The following CCHCR1 variants were observed in gnomAD, a reference collection of about 807,000 sequenced individuals.
The protein encoded by CCHCR1 is HCR (a-helix coiled-coil rod homologue).
Under a neutral mutation model 114.6 loss-of-function variants are expected in CCHCR1, and 91 were observed. That is an observed-to-expected ratio of 0.79 (90% CI 0.67 to 0.94). The LOEUF (loss-of-function observed/expected upper bound fraction) is 0.94, where lower values mean the gene tolerates loss of function less well. Among genes scored for constraint, CCHCR1 ranks in the 40% least tolerant of loss-of-function variants. The pLI, the probability that CCHCR1 is intolerant of heterozygous loss-of-function variation, is 0.00. For synonymous variants in CCHCR1, 379 were observed against 428.5 expected (o/e 0.88, Z 1.43); for missense variants, 899 against 1,079.9 (o/e 0.83, Z 2.35).
Position 31,151,220 on chromosome 6 carries a change from C to A in CCHCR1, c.802-98G>T. ...CTTTCTGTGACCTTAGAGAATGACC[C>A]AACCAATCAGCCAACTGTGCACAGC... On this transcript the variant is annotated intron_variant, in intron 4 of 17. Transcript: ENST00000396268. This position sits in a 1 kb window ranked among gnomAD's most constrained non-coding sequence, Gnocchi z 4.1. The A allele has an allele frequency of 7.5e-7, 1 of 1,334,012 alleles. No individual in the cohort carries two copies. Among genetic ancestry groups the A allele is most frequent in the Non-Finnish European group, 1.0e-6 (1 of 975,518 alleles). 82.6% of individuals were successfully genotyped at this position (1,334,012 alleles called of 1,614,324 possible).
chr6:31,153,573 C>A (rs942445382), intron 4 of CCHCR1, among the ~76,000 whole-genome samples: 4 of 146,640 alleles, frequency 2.7e-5, no homozygotes, highest in Non-Finnish European at 6.2e-5. Context: ...TGTTTTCTCC[C>A]AGTTCCTTTT....
chr6:31,148,642 C>T lies in CCHCR1; in HGVS notation c.1449G>A (p.Val483=), dbSNP rs1242220343. The T allele has an allele frequency of 1.2e-6, 2 of 1,612,602 alleles. No homozygotes were observed. Among genetic ancestry groups the T allele is most frequent in the Non-Finnish European group, 1.7e-6 (2 of 1,179,716 alleles). Residue 483 remains valine, a synonymous_variant, in exon 9 of 18, where the codon GTG becomes GTA. Coordinates refer to ENST00000396268, the MANE Select transcript of CCHCR1 (RefSeq NM_001105564.2). Reference sequence around the variant, plus strand: ...CCTTGGCACCCATACGCTCCACCTCCACCTCTGCGGCTTTGTCCTGCAGGG... The same window carrying T: ...CCTTGGCACCCATACGCTCCACCTCTACCTCTGCGGCTTTGTCCTGCAGGG... ...QRSLQDKAAE[V]EVERMGAKGL...
Position 31,157,752 on chromosome 6 carries a change from C to G in CCHCR1, c.-152G>C, listed in dbSNP as rs992874083. On this transcript the variant is annotated 5_prime_UTR_variant, in exon 1 of 18. Coordinates refer to ENST00000396268, the MANE Select transcript of CCHCR1 (RefSeq NM_001105564.2). ...CCCCTTAGCTTCCATGCCTGCTGCCCGCCTCCTCTTTCTCGAGTCCTAACA... is the reference window on the plus strand; with the variant it reads ...CCCCTTAGCTTCCATGCCTGCTGCCGGCCTCCTCTTTCTCGAGTCCTAACA... 1.6e-6 allele frequency: 1 copy of G among 635,244 alleles called. No homozygotes were observed. Among genetic ancestry groups the G allele is most frequent in the Non-Finnish European group, 2.7e-6 (1 of 367,302 alleles). 39.4% of individuals were successfully genotyped at this position (635,244 alleles called of 1,614,324 possible).
chr6:31,154,646 C>T lies in CCHCR1; in HGVS notation c.651G>A (p.Glu217=), dbSNP rs1775728817. Residue 217 remains glutamate, a synonymous_variant, in exon 4 of 18, where the codon GAG becomes GAA. Transcript: ENST00000396268. This position sits in a 1 kb window ranked among gnomAD's most constrained non-coding sequence, Gnocchi z 4.1. ...QKMRLEAQAM[E]LEALARAEKA... is the part of the protein sequence containing the mutation. ...TCTCCGCCCGTGCCAGAGCCTCTAG[C>T]TCCATGGCCTGGGCCTCTAGCCTCA... 6.2e-7 allele frequency: 1 copy of T among 1,612,582 alleles called. No individual in the cohort carries two copies. Among genetic ancestry groups the T allele is most frequent in the Non-Finnish European group, 8.5e-7 (1 of 1,180,002 alleles).
intron 9 of CCHCR1, 53 bp from the exon 10 acceptor site, chr6:31,148,564 C>T (rs1455455182): frequency 3.8e-6 from 6 of 1,596,782 alleles, no homozygotes; most frequent in Non-Finnish European, 5.1e-6. Context: ...TGGCTGCAGC[C>T]CCGGAACAGG....
At position 31,157,374 on chromosome 6, in the gene CCHCR1, A is replaced by C; in HGVS notation, c.216+11T>G. ...TACTCATACTTTCAGGATTCTGGGCAGTGCCTCTACCCTCCTCCTTAAGTT... is the reference window on the plus strand; with the variant it reads ...TACTCATACTTTCAGGATTCTGGGCCGTGCCTCTACCCTCCTCCTTAAGTT... On this transcript the variant is annotated intron_variant, in intron 1 of 17. Coordinates refer to ENST00000396268, the MANE Select transcript of CCHCR1 (RefSeq NM_001105564.2). The C allele has an allele frequency of 3.1e-6, 5 of 1,600,548 alleles. No homozygotes were observed. The highest frequency in any genetic ancestry group is 4.3e-6 in the Non-Finnish European group (5 of 1,168,744).
intron 12 of CCHCR1, 54 bp from the exon 13 acceptor site, chr6:31,145,356 A>C (rs1774174882): frequency 6.2e-7 from 1 of 1,612,242 alleles, no homozygotes; most frequent in Non-Finnish European, 8.5e-7. Context: ...CCTGATCCCA[A>C]AGCCCCCATC....
At position 31,150,496 on chromosome 6, in the gene CCHCR1, T is replaced by C; in HGVS notation, c.1171A>G (p.Thr391Ala). 1 of 1,612,688 alleles carries C rather than the reference T, an allele frequency of 6.2e-7. No homozygotes were observed. Among genetic ancestry groups the C allele is most frequent in the Non-Finnish European group, 8.5e-7 (1 of 1,179,936 alleles). ...TCCTCCTGCAGGGCGAGGATGTGTG[T>C]GAGGCTCTGCACCCGCACCTGCAGC... Reference protein sequence around the residue: ...ELLQVRVQSLTHILALQEEEL... With the variant: ...ELLQVRVQSLAHILALQEEEL... The change falls in exon 7 of 18, where the codon ACA becomes GCA. Residue 391 changes from threonine (T) to alanine (A), a missense_variant. By Grantham distance (58) the Thr-to-Ala change is moderately conservative (BLOSUM62 0). Coordinates refer to ENST00000396268, the MANE Select transcript of CCHCR1 (RefSeq NM_001105564.2). This position sits in a 1 kb window ranked among gnomAD's most constrained non-coding sequence, Gnocchi z 5.3.
At chr6:31,157,204 T>A (rs1251651233) in intron 1 of CCHCR1, 115 bp from the exon 2 acceptor site, 1 of 1,036,954 alleles carries the variant, frequency 9.6e-7, no homozygotes, top group East Asian at 2.5e-5. Context: ...GTCCACCCGA[T>A]GCTTAGCTCT....
Position 31,157,638 on chromosome 6 carries a change from G to A in CCHCR1, c.-38C>T. ...CCTCCCCAAGACCTTGGGAATCCAG[G>A]CCGCCTAGATCCCCAGGCAGAAAAG... On this transcript the variant is annotated 5_prime_UTR_variant, in exon 1 of 18. Transcript: ENST00000396268. The A allele has an allele frequency of 6.5e-7, 1 of 1,542,298 alleles. No individual in the cohort carries two copies.
Position 31,150,636 on chromosome 6 carries a change from G to A in CCHCR1, c.1102-71C>T. 17 of 1,589,874 alleles carry A rather than the reference G, an allele frequency of 1.1e-5. No individual in the cohort carries two copies. The South Asian group carries it at 1.5e-4, about 14-fold the overall frequency. ...CTTAGGTACCACCTTCTCTCCCGGAGGCTGTGCTCTACACGCTCCTCCAAG... is the reference window on the plus strand; with the variant it reads ...CTTAGGTACCACCTTCTCTCCCGGAAGCTGTGCTCTACACGCTCCTCCAAG... On this transcript the variant is annotated intron_variant, in intron 6 of 17. Coordinates refer to ENST00000396268, the MANE Select transcript of CCHCR1 (RefSeq NM_001105564.2). This position sits in a 1 kb window ranked among gnomAD's most constrained non-coding sequence, Gnocchi z 5.3.
intron 12 of CCHCR1, 26 bp from the exon 13 acceptor site, chr6:31,145,328 G>T: frequency 6.2e-7 from 1 of 1,613,532 alleles, no homozygotes; most frequent in South Asian, 1.1e-5. Flanking sequence ...GAAAGAGTCA[G>T]AAGAAATCAC....
chr6:31,145,259 G>C lies in CCHCR1; in HGVS notation c.1783C>G (p.Gln595Glu), dbSNP rs1465477069. ...PPVTDVSLEL[Q>E]QLREERNRLD... ...CGGTTCCGTTCTTCCCGCAACTGCT[G>C]CAACTCAAGGCTCACGTCTGTGACC... The change falls in exon 13 of 18, where the codon CAG becomes GAG. Residue 595 changes from glutamine to glutamate, a missense_variant. Physicochemically the swap from Gln to Glu is conservative, Grantham distance 29. Coordinates refer to ENST00000396268, the MANE Select transcript of CCHCR1 (RefSeq NM_001105564.2). The C allele has an allele frequency of 6.2e-7, 1 of 1,613,848 alleles. No homozygotes were observed. The highest frequency in any genetic ancestry group is 8.5e-7 in the Non-Finnish European group (1 of 1,179,990).
In CCHCR1 at chr6:31,145,726, A is replaced by C. The variant is rs1342616373; in HGVS notation, c.1663T>G (p.Tyr555Asp). The C allele has an allele frequency of 4.3e-6, 7 of 1,613,636 alleles. No homozygotes were observed. The highest frequency in any genetic ancestry group is 5.9e-6 in the Non-Finnish European group (7 of 1,179,944). Residue 555 changes from tyrosine to aspartate, a missense_variant, in exon 11 of 18, where the codon TAT becomes GAT. Physicochemically the swap from Tyr to Asp is radical, Grantham distance 160. Coordinates refer to ENST00000396268, the MANE Select transcript of CCHCR1 (RefSeq NM_001105564.2). ...QLPSLNNRLSYAVRKVHTIRG... is the reference protein window; with the variant it reads ...QLPSLNNRLSDAVRKVHTIRG... ...ATGGTGTGGACCTTGCGGACAGCAT[A>C]GCTGAGTCGGTTGTTGAGGCTGGGA...
At position 31,142,543 on chromosome 6, in the gene CCHCR1, C is replaced by G; in HGVS notation, c.*49G>C. The G allele has an allele frequency of 6.3e-7, 1 of 1,586,716 alleles. No individual in the cohort carries two copies. On this transcript the variant is annotated 3_prime_UTR_variant, in exon 18 of 18. Coordinates refer to ENST00000396268, the MANE Select transcript of CCHCR1 (RefSeq NM_001105564.2). ...GCTGGTCTGTCCCCACCCACTTCTC[C>G]AGGATCCTCCCAGCCCCCAGGCTGG...
chr6:31,144,633 T>A lies in CCHCR1; in HGVS notation c.2167+54A>T. On this transcript the variant is annotated intron_variant, in intron 15 of 17. Transcript: ENST00000396268. The surrounding 1 kb of genome is among the most constrained non-coding windows in gnomAD (Gnocchi z 4.6). ...CTTTGAGGGGAAAATAATAACCTTA[T>A]GTCTTAACACTTCCTTCTTCCTGGA... 1 of 1,131,252 alleles carries A rather than the reference T, an allele frequency of 8.8e-7. No individual in the cohort carries two copies. The highest frequency in any genetic ancestry group is 1.3e-6 in the Non-Finnish European group (1 of 765,846). 70.1% of individuals were successfully genotyped at this position (1,131,252 alleles called of 1,614,324 possible).
Position 31,143,080 on chromosome 6 carries a change from T to C in CCHCR1, c.2374A>G (p.Thr792Ala). The C allele has an allele frequency of 6.2e-7, 1 of 1,612,988 alleles. No homozygotes were observed. Among genetic ancestry groups the C allele is most frequent in the Non-Finnish European group, 8.5e-7 (1 of 1,180,018 alleles). ...TTATCCAGTAGGGAAGGAAGAACTG[T>C]CAACAGTCGCTGCTGCTTGTAACGG... ...LSRYKQQRLL[T>A]VLPSLLDKKK... Residue 792 changes from threonine (T) to alanine (A), a missense_variant, in exon 17 of 18, where the codon ACA becomes GCA. Thr to Ala is a moderately conservative substitution (Grantham distance 58, BLOSUM62 0). Transcript: ENST00000396268. The surrounding 1 kb of genome is among the most constrained non-coding windows in gnomAD (Gnocchi z 5.3).
rs1216895611 is a variant in CCHCR1, at chr6:31,157,586, T to G, written c.15A>C (p.Ser5=). The G allele has an allele frequency of 6.2e-7, 1 of 1,611,374 alleles. No homozygotes were observed. Among genetic ancestry groups the G allele is most frequent in the South Asian group, 1.1e-5 (1 of 90,816 alleles). ...TGCTGGCCCAAGGCCTGGCCCCAGC[T>G]GAATGTGGCCACATGCAGGGCTAGA... MWPH[S]AGARPWASTL... The change falls in exon 1 of 18, where the codon TCA becomes TCC. Residue 5 remains serine (S), a synonymous_variant. Coordinates refer to ENST00000396268, the MANE Select transcript of CCHCR1 (RefSeq NM_001105564.2).
At position 31,150,454 on chromosome 6, in the gene CCHCR1, C is replaced by A. The variant is rs755673651; in HGVS notation, c.1212+1G>T. On this transcript the variant is annotated splice_donor_variant, in intron 7 of 17. Coordinates refer to ENST00000396268, the MANE Select transcript of CCHCR1 (RefSeq NM_001105564.2). LOFTEE classifies it high-confidence loss of function. This position sits in a 1 kb window ranked among gnomAD's most constrained non-coding sequence, Gnocchi z 5.3. ...TGAGGGGTCTGGGGGTTGGGCTGTA[C>A]CTTCCTGGTCAGCTCCTCCTCCTGC... 1.2e-6 allele frequency: 2 copies of A among 1,610,224 alleles called. No individual in the cohort carries two copies. The highest frequency in any genetic ancestry group is 1.3e-5 in the African/African-American group (1 of 74,856).
Sources: gnomAD v4.1 joint callset for allele counts (sites outside exome capture counted in the v4.1 genomes callset) on GRCh38, gnomAD v4.1.1 for gene constraint, Gnocchi (gnomAD v3.1) non-coding constraint, MANE v1.5 for transcripts, NCBI Gene and HGNC (gene_info 2026-07-23, HGNC 2026-07-21) for gene names.